The following ACTN4 variants were observed in gnomAD, a reference collection of about 807,000 sequenced individuals.
ACTN4 encodes the protein alpha-actinin-4.
A neutral mutation model predicts 114.2 loss-of-function variants in ACTN4; 18 were observed. The observed-to-expected ratio is 0.16, with a 90% CI of 0.11 to 0.23. ACTN4 has a LOEUF of 0.23. Ranked by LOEUF, ACTN4 falls within the 10% of genes least tolerant of loss-of-function variation. The pLI, the probability that ACTN4 is intolerant of heterozygous loss-of-function variation, is 1.00. For synonymous variants in ACTN4, 515 were observed against 506.3 expected (o/e 1.02, Z -0.23); for missense variants, 722 against 1,262.9 (o/e 0.57, Z 6.49).
rs1161411091 is a variant in ACTN4, at chr19:38,717,908, T to C, written c.1144-19T>C. The C allele has an allele frequency of 7.6e-6, 12 of 1,577,550 alleles. No homozygotes were observed. The East Asian group carries it at 2.8e-4, about 36-fold the overall frequency. ...TCCACTTCCTTGTGATAGCCCTGCC[T>C]GCTCCTGCCCTGCCCCAGGACATCA... On this transcript the variant is annotated intron_variant, in intron 10 of 20. Coordinates refer to ENST00000252699, the MANE Select transcript of ACTN4 (RefSeq NM_004924.6). This position sits in a 1 kb window ranked among gnomAD's most constrained non-coding sequence, Gnocchi z 4.0.
At chr19:38,673,739 A>G (rs1270473626) in intron 1 of ACTN4, among the ~76,000 whole-genome samples, 1 of 92,912 alleles carries the variant, frequency 1.1e-5, no homozygotes, top group Non-Finnish European at 2.2e-5. Context: ...ATATATATTT[A>G]TATATTTATA....
intron 19 of ACTN4, 96 bp from the exon 20 acceptor site, chr19:38,728,900 C>T (rs1381516779): frequency 6.6e-7 from 1 of 1,521,710 alleles, no homozygotes; most frequent in African/African-American, 1.4e-5. Context: ...GGGCCCTACT[C>T]TCTCGGCTGT....
intron 17 of ACTN4, among the ~76,000 whole-genome samples, chr19:38,726,597 C>G (rs1445695767): frequency 6.6e-6 from 1 of 152,232 alleles, no homozygotes; most frequent in African/African-American, 2.4e-5. Flanking sequence ...ACTCTTGATC[C>G]AACCCATACA....
At chr19:38,705,910 G>C in intron 4 of ACTN4, 134 bp from the exon 5 acceptor site, 3 of 833,078 alleles carry the variant, frequency 3.6e-6, no homozygotes. Flanking sequence ...CACTGCTGCT[G>C]TTGTTAGGAC....
chr19:38,726,462 T>G (rs1275734140), intron 17 of ACTN4, among the ~76,000 whole-genome samples: 1 of 152,162 alleles, frequency 6.6e-6, no homozygotes, highest in Non-Finnish European at 1.5e-5. Context: ...GTATCAGCCT[T>G]GCTCAGGGCC....
At position 38,717,921 on chromosome 19, in the gene ACTN4, C is replaced by T. The variant is rs1349452123; in HGVS notation, c.1144-6C>T. 1 of 1,591,190 alleles carries T rather than the reference C, an allele frequency of 6.3e-7. No individual in the cohort carries two copies. The highest frequency in any genetic ancestry group is 2.3e-5 in the East Asian group (1 of 44,080). ...GATAGCCCTGCCTGCTCCTGCCCTG[C>T]CCCAGGACATCAACAATGGCTGGCA... On this transcript the variant is annotated splice_polypyrimidine_tract_variant and splice_region_variant and intron_variant, in intron 10 of 20. Transcript: ENST00000252699. This position sits in a 1 kb window ranked among gnomAD's most constrained non-coding sequence, Gnocchi z 4.0.
intron 1 of ACTN4, among the ~76,000 whole-genome samples, chr19:38,687,348 C>G (rs1412320845): frequency 6.6e-6 from 1 of 152,156 alleles, no homozygotes; most frequent in Non-Finnish European, 1.5e-5. Context: ...GCTCTCAGCC[C>G]TCACTTCATG....
intron 1 of ACTN4, among the ~76,000 whole-genome samples, chr19:38,650,058 G>GA (rs1976514514): frequency 2.0e-5 from 3 of 152,188 alleles, no homozygotes; most frequent in African/African-American, 7.2e-5. Context: ...TGCCAGGTTG[G>GA]AAAAGGTTGC....
At chr19:38,703,301 C>T (rs1330880105) in intron 3 of ACTN4, among the ~76,000 whole-genome samples, 2 of 146,300 alleles carry the variant, frequency 1.4e-5, no homozygotes, top group Non-Finnish European at 3.0e-5. Context: ...TGCAATGGTG[C>T]AATCTCAGCT....
intron 11 of ACTN4, 183 bp downstream of exon 11, chr19:38,718,257 T>G (rs1599847359): frequency 2.8e-6 from 3 of 1,066,468 alleles, no homozygotes; most frequent in Non-Finnish European, 4.2e-6. Flanking sequence ...CCAGGTTCAG[T>G]GGCTCACACC....
At position 38,717,924 on chromosome 19, in the gene ACTN4, C is replaced by T. The variant is rs879204175; in HGVS notation, c.1144-3C>T. ...AGCCCTGCCTGCTCCTGCCCTGCCC[C>T]AGGACATCAACAATGGCTGGCAGCA... On this transcript the variant is annotated splice_polypyrimidine_tract_variant and splice_region_variant and intron_variant, in intron 10 of 20. Transcript: ENST00000252699. The surrounding 1 kb of genome is among the most constrained non-coding windows in gnomAD (Gnocchi z 4.0). 6.3e-7 allele frequency: 1 copy of T among 1,594,394 alleles called. No homozygotes were observed. Among genetic ancestry groups the T allele is most frequent in the Non-Finnish European group, 8.5e-7 (1 of 1,169,794 alleles).
chr19:38,662,411 G>A (rs1438573007), intron 1 of ACTN4, among the ~76,000 whole-genome samples: 2 of 152,344 alleles, frequency 1.3e-5, no homozygotes, highest in East Asian at 3.9e-4. Context: ...CCCGTGGGTA[G>A]AGTATAACGG....
At position 38,728,036 on chromosome 19, in the gene ACTN4, C is replaced by T. The variant is rs781760804; in HGVS notation, c.2418+10C>T. 3 of 1,606,580 alleles carry T rather than the reference C, an allele frequency of 1.9e-6. No homozygotes were observed. Among genetic ancestry groups the T allele is most frequent in the South Asian group, 2.2e-5 (2 of 89,966 alleles). ...GGAGAACGACCGGCAGGTACTGCAC[C>T]CTGGGCCCCAGCGGACCATGGCATT... On this transcript the variant is annotated intron_variant, in intron 19 of 20. Coordinates refer to ENST00000252699, the MANE Select transcript of ACTN4 (RefSeq NM_004924.6).
intron 1 of ACTN4, among the ~76,000 whole-genome samples, chr19:38,660,221 C>T (rs1412665307): frequency 1.3e-5 from 2 of 152,078 alleles, no homozygotes; most frequent in Non-Finnish European, 1.5e-5. Flanking sequence ...CGCCCCCAGC[C>T]TTATTTCTAC....
chr19:38,666,726 C>CTTAT (rs1233470560), intron 1 of ACTN4, among the ~76,000 whole-genome samples: 4 of 152,232 alleles, frequency 2.6e-5, no homozygotes, highest in Non-Finnish European at 5.9e-5. Flanking sequence ...CTTGTCAACA[C>CTTAT]TTAGAGTGGG....
At chr19:38,649,938 C>A (rs1568668748) in intron 1 of ACTN4, among the ~76,000 whole-genome samples, 1 of 152,056 alleles carries the variant, frequency 6.6e-6, no homozygotes, top group South Asian at 2.1e-4. Context: ...TTATCCGTGG[C>A]CCCACCTACT....
chr19:38,721,411 C>A, intron 11 of ACTN4, 127 bp from the exon 12 acceptor site: 1 of 1,151,404 alleles, frequency 8.7e-7, no homozygotes, highest in Non-Finnish European at 1.3e-6. Flanking sequence ...TTCCATGCCA[C>A]TGTCATTGGC....
chr19:38,659,997 G>C (rs187749472), intron 1 of ACTN4, among the ~76,000 whole-genome samples: 96 of 146,090 alleles, frequency 6.6e-4, no homozygotes, highest in African/African-American at 2.2e-3. Context: ...TCAGCTCACT[G>C]CAGCCTCTGT....
chr19:38,698,107 A>C (rs2144981992), intron 1 of ACTN4, among the ~76,000 whole-genome samples: 1 of 152,212 alleles, frequency 6.6e-6, no homozygotes, highest in South Asian at 2.1e-4. Context: ...CAGAGCAGGC[A>C]CACTGTGGAG....
Sources: gnomAD v4.1 joint callset for allele counts (sites outside exome capture counted in the v4.1 genomes callset) on GRCh38, gnomAD v4.1.1 for gene constraint, Gnocchi (gnomAD v3.1) non-coding constraint, MANE v1.5 for transcripts, NCBI Gene and HGNC (gene_info 2026-07-23, HGNC 2026-07-21) for gene names.